SPP2: variants seen among roughly 807,000 people sequenced by gnomAD.
SPP2 encodes secreted phosphoprotein 24.
In SPP2, 34 loss-of-function variants were observed where a neutral mutation model predicts 28.8. The ratio of observed to expected loss-of-function variants is 1.18; its 90% CI spans 0.90 to 1.57. The LOEUF (loss-of-function observed/expected upper bound fraction) is 1.57, where lower values mean the gene tolerates loss of function less well. SPP2 is among the 40% of genes most tolerant of loss of function. The pLI, the probability that SPP2 is intolerant of heterozygous loss-of-function variation, is 0.00. For missense variants in SPP2, 269 were observed against 263.9 expected (o/e 1.02, Z -0.13); for synonymous variants, 96 against 89.4 (o/e 1.07, Z -0.42).
intron 2 of SPP2, 101 bp downstream of exon 2, chr2:234,051,196 A>C: frequency 7.0e-7 from 1 of 1,431,686 alleles, no homozygotes; most frequent in Admixed American, 2.0e-5. Context: ...CAGTTTAAAA[A>C]TGATAGTAGC....
intron 6 of SPP2, among the ~76,000 whole-genome samples, chr2:234,067,709 G>A (rs561238226): frequency 3.4e-5 from 5 of 147,376 alleles, no homozygotes; most frequent in South Asian, 2.2e-4. Flanking sequence ...CCCGGGAGGC[G>A]GAGCTTGCAG....
At chr2:234,060,884 T>C (rs1325776345) in intron 4 of SPP2, among the ~76,000 whole-genome samples, 3 of 152,166 alleles carry the variant, frequency 2.0e-5, no homozygotes, top group Non-Finnish European at 4.4e-5. Flanking sequence ...GCTGGCACTG[T>C]GGTTTAGTGC....
At chr2:234,070,135 T>G in intron 7 of SPP2, 112 bp downstream of exon 7, 1 of 807,318 alleles carries the variant, frequency 1.2e-6, no homozygotes, top group African/African-American at 1.7e-5. Flanking sequence ...AAATCCTTGC[T>G]TTTCGGCTTC....
intron 2 of SPP2, among the ~76,000 whole-genome samples, 168 bp downstream of exon 2, chr2:234,051,263 T>A (rs936478575): frequency 6.6e-6 from 1 of 152,200 alleles, no homozygotes; most frequent in African/African-American, 2.4e-5. Flanking sequence ...TAATTACAAT[T>A]TTTTGTCATG....
chr2:234,055,141 A>ACG (rs1693580798), intron 2 of SPP2, among the ~76,000 whole-genome samples: 2 of 127,290 alleles, frequency 1.6e-5, no homozygotes, highest in African/African-American at 6.1e-5. Flanking sequence ...ATATGAATAT[A>ACG]TGAGAGAGAG....
At chr2:234,065,780 A>G (rs1693807254) in intron 4 of SPP2, among the ~76,000 whole-genome samples, 2 of 151,992 alleles carry the variant, frequency 1.3e-5, no homozygotes, top group Admixed American at 1.3e-4. Flanking sequence ...AGCAAAATTA[A>G]ATTTTGATGA....
At chr2:234,054,288 G>A (rs1356354769) in intron 2 of SPP2, among the ~76,000 whole-genome samples, 2 of 152,194 alleles carry the variant, frequency 1.3e-5, no homozygotes, top group African/African-American at 4.8e-5. Context: ...GCATGAGTGG[G>A]ACATGCCTAG....
intron 7 of SPP2, among the ~76,000 whole-genome samples, chr2:234,070,880 A>G (rs1403574914): frequency 3.9e-5 from 6 of 152,142 alleles, no homozygotes; most frequent in Admixed American, 6.5e-5. Flanking sequence ...TCAATGATGC[A>G]TAATTATTTC....
chr2:234,058,327 A>G (rs1378585834), intron 2 of SPP2, among the ~76,000 whole-genome samples: 3 of 152,206 alleles, frequency 2.0e-5, no homozygotes, highest in Non-Finnish European at 2.9e-5. Flanking sequence ...TAGACCATAA[A>G]AAGCACACTT....
chr2:234,071,239 C>T (rs1690774289), intron 7 of SPP2, among the ~76,000 whole-genome samples: 1 of 152,190 alleles, frequency 6.6e-6, no homozygotes, highest in South Asian at 2.1e-4. Context: ...TACTGTCTAC[C>T]TTGCTTGCTG....
At chr2:234,074,490 C>T (rs565071222) in intron 7 of SPP2, among the ~76,000 whole-genome samples, 30 of 152,206 alleles carry the variant, frequency 2.0e-4, no homozygotes, top group Middle Eastern at 3.4e-3. Context: ...AGATGCCCCA[C>T]GGAAGACAGA....
At chr2:234,066,388 AT>A (rs1693818379) in intron 4 of SPP2, 144 bp from the exon 5 acceptor site, 1 of 676,912 alleles carries the variant, frequency 1.5e-6, no homozygotes, top group African/African-American at 1.8e-5. Flanking sequence ...ATATAAAGTT[AT>A]TTAATATAAC....
rs151273419 is a variant in SPP2 at position 234,070,752 on chromosome 2, A to G, written c.*10+729A>G. On this transcript the variant is annotated intron_variant, in intron 7 of 7. Coordinates refer to ENST00000168148, the MANE Select transcript of SPP2 (RefSeq NM_006944.3). ...GCTAGGATTACAGGTGTGAGCCACC[A>G]CGCCTGGCCGACGTATGCTTTAAAT... Among the ~76,000 whole-genome samples the G allele has an allele frequency of 3.5e-3, 538 of 152,248 alleles. 5 individuals carry two copies. The highest frequency in any genetic ancestry group is 0.013 in the African/African-American group (520 of 41,548).
chr2:234,051,212 A>G, intron 2 of SPP2, 117 bp downstream of exon 2: 1 of 1,321,326 alleles, frequency 7.6e-7, no homozygotes, highest in South Asian at 1.4e-5. Flanking sequence ...GTAGCTAGTC[A>G]TCTCTTTCAT....
chr2:234,072,677 C>T (rs1389369050), intron 7 of SPP2, among the ~76,000 whole-genome samples: 3 of 152,128 alleles, frequency 2.0e-5, no homozygotes, highest in African/African-American at 4.8e-5. Context: ...CTACACTGTG[C>T]TGGGTTCCCT....
At chr2:234,070,783 T>C (rs1367711581) in intron 7 of SPP2, among the ~76,000 whole-genome samples, 1 of 152,186 alleles carries the variant, frequency 6.6e-6, no homozygotes, top group Non-Finnish European at 1.5e-5. Context: ...TAAATACTGG[T>C]GAGCATTCGT....
chr2:234,051,932 T>C (rs376737650), intron 2 of SPP2, among the ~76,000 whole-genome samples: 1 of 152,196 alleles, frequency 6.6e-6, no homozygotes, highest in Non-Finnish European at 1.5e-5. Context: ...CCATCCCTCC[T>C]GGACTGACTC....
chr2:234,069,257 T>C (rs1247716815), intron 6 of SPP2, among the ~76,000 whole-genome samples: 1 of 152,154 alleles, frequency 6.6e-6, no homozygotes, highest in Non-Finnish European at 1.5e-5. Context: ...CACAGTCTTT[T>C]ATAAACTAAT....
rs555897926 is a variant in SPP2, at chr2:234,066,358, T to C, written c.445-175T>C. Among the ~76,000 whole-genome samples, 3 of 152,374 alleles carry C rather than the reference T, an allele frequency of 2.0e-5. No homozygotes were observed. In the East Asian group the frequency reaches 5.8e-4, roughly 29 times the overall value. ...GTTTGCTCTTCCCCATGTGCTTTTT[T>C]AGACTTATATGTTTGATATATATAA... On this transcript the variant is annotated intron_variant, in intron 4 of 7. Transcript: ENST00000168148.
Sources: allele counts gnomAD v4.1 joint callset (sites outside exome capture counted in the v4.1 genomes callset), GRCh38; gene constraint gnomAD v4.1.1; transcripts MANE v1.5; gene names NCBI Gene and HGNC (gene_info 2026-07-23, HGNC 2026-07-21).